The following CTNND2 variants were observed in gnomAD, a reference collection of about 807,000 sequenced individuals.
CTNND2 encodes catenin delta 2.
CTNND2 carries 22 observed loss-of-function variants against 144.4 expected under a neutral mutation model. The observed-to-expected ratio is 0.15, with a 90% CI of 0.11 to 0.22. The LOEUF (loss-of-function observed/expected upper bound fraction) is 0.22, where lower values mean the gene tolerates loss of function less well. Ranked by LOEUF, CTNND2 falls within the 10% of genes least tolerant of loss-of-function variation. The pLI is 1.00. For missense variants in CTNND2, 1,353 were observed against 1,618.8 expected (o/e 0.84, Z 2.82); for synonymous variants, 751 against 695.6 (o/e 1.08, Z -1.25).
At chr5:11,557,227 G>C (rs1776302882) in intron 3 of CTNND2, among the ~76,000 whole-genome samples, 1 of 152,090 alleles carries the variant, frequency 6.6e-6, no homozygotes, top group Admixed American at 6.6e-5. Context: ...AACGTTCACT[G>C]TTTCAGCTAA....
Position 11,236,758 on chromosome 5 carries a change from G to A in CTNND2, c.1694C>T (p.Ser565Leu), listed in dbSNP as rs866275576. 2.5e-6 allele frequency: 4 copies of A among 1,614,132 alleles called. No individual in the cohort carries two copies. The highest frequency in any genetic ancestry group is 3.4e-6 in the Non-Finnish European group (4 of 1,180,010). Reference sequence around the variant, plus strand: ...GTAGGCTGCCGCGTTAGACTGGACCGAGGGAAACTGGTGCTGCAACATCTG... The same window carrying A: ...GTAGGCTGCCGCGTTAGACTGGACCAAGGGAAACTGGTGCTGCAACATCTG... ...VIQMLQHQFPSVQSNAAAYLQ... is the reference protein window; with the variant it reads ...VIQMLQHQFPLVQSNAAAYLQ... Residue 565 changes from serine (S) to leucine (L), a missense_variant, in exon 10 of 22, where the codon TCG becomes TTG. Coordinates refer to ENST00000304623, the MANE Select transcript of CTNND2 (RefSeq NM_001332.4).
intron 3 of CTNND2, among the ~76,000 whole-genome samples, chr5:11,554,283 T>C (rs1329266119): frequency 6.6e-6 from 1 of 152,102 alleles, no homozygotes; most frequent in Non-Finnish European, 1.5e-5. Context: ...CTGCAGTGTA[T>C]GGAAAGGAAA....
chr5:11,566,306 C>T (rs902777405), intron 2 of CTNND2, among the ~76,000 whole-genome samples: 1 of 152,158 alleles, frequency 6.6e-6, no homozygotes, highest in Non-Finnish European at 1.5e-5. Context: ...AACTTTTATT[C>T]TTACATATTC....
chr5:11,693,025 C>A (rs1342099685), intron 2 of CTNND2, among the ~76,000 whole-genome samples: 1 of 152,224 alleles, frequency 6.6e-6, no homozygotes, highest in African/African-American at 2.4e-5. Flanking sequence ...TAAAACACAT[C>A]TGGGTTGTCA....
At chr5:11,845,129 T>C (rs925603621) in intron 1 of CTNND2, among the ~76,000 whole-genome samples, 2 of 152,176 alleles carry the variant, frequency 1.3e-5, no homozygotes, top group Non-Finnish European at 2.9e-5. Flanking sequence ...GTTTCTACCA[T>C]CTACTTTTAG....
At chr5:11,278,078 C>A (rs1746736079) in intron 9 of CTNND2, among the ~76,000 whole-genome samples, 1 of 152,168 alleles carries the variant, frequency 6.6e-6, no homozygotes, top group Non-Finnish European at 1.5e-5. Context: ...ATCCCAATAT[C>A]CCTCCAACTA....
chr5:11,058,072 T>C (rs915934402), intron 16 of CTNND2, among the ~76,000 whole-genome samples: 1 of 152,192 alleles, frequency 6.6e-6, no homozygotes, highest in African/African-American at 2.4e-5. Context: ...AAGCAGAGCA[T>C]AAAAGTTTGG....
At chr5:11,036,637 C>G (rs1320017810) in intron 16 of CTNND2, among the ~76,000 whole-genome samples, 1 of 152,128 alleles carries the variant, frequency 6.6e-6, no homozygotes, top group Non-Finnish European at 1.5e-5. Context: ...TGGCCACACA[C>G]CTCGGCCTCC....
At chr5:11,322,301 C>A (rs904041558) in intron 9 of CTNND2, among the ~76,000 whole-genome samples, 2 of 152,122 alleles carry the variant, frequency 1.3e-5, no homozygotes, top group Non-Finnish European at 2.9e-5. Context: ...TGTCATTTTC[C>A]CGCAGAGGTC....
At chr5:11,416,673 A>T (rs573609462) in intron 3 of CTNND2, among the ~76,000 whole-genome samples, 1 of 152,328 alleles carries the variant, frequency 6.6e-6, no homozygotes, top group South Asian at 2.1e-4. Flanking sequence ...CACTCATATC[A>T]GGTGTCTAGG....
intron 3 of CTNND2, among the ~76,000 whole-genome samples, chr5:11,481,926 T>C (rs532431312): frequency 6.6e-6 from 1 of 152,290 alleles, no homozygotes; most frequent in South Asian, 2.1e-4. Flanking sequence ...TGAGAAGTTT[T>C]TAATTACGCC....
intron 2 of CTNND2, among the ~76,000 whole-genome samples, chr5:11,642,848 C>A (rs1782138962): frequency 6.6e-6 from 1 of 152,182 alleles, no homozygotes; most frequent in Non-Finnish European, 1.5e-5. Flanking sequence ...TAAATAATTG[C>A]CGTGGTTACT....
intron 1 of CTNND2, among the ~76,000 whole-genome samples, chr5:11,868,220 C>A (rs1244007610): frequency 1.3e-5 from 2 of 152,064 alleles, no homozygotes; most frequent in African/African-American, 2.4e-5. Context: ...CCAACTAAGA[C>A]CTGCGGCTGG....
intron 9 of CTNND2, among the ~76,000 whole-genome samples, chr5:11,320,758 G>A (rs536018094): frequency 9.2e-4 from 140 of 152,188 alleles, no homozygotes; most frequent in South Asian, 3.9e-3. Context: ...ATCTCCCACC[G>A]GATCCCTCCC....
chr5:11,696,512 G>A (rs1785145783), intron 2 of CTNND2, among the ~76,000 whole-genome samples: 1 of 152,102 alleles, frequency 6.6e-6, no homozygotes, highest in Non-Finnish European at 1.5e-5. Context: ...TCCAGAGGAG[G>A]GCTACCCTAA....
intron 6 of CTNND2, among the ~76,000 whole-genome samples, chr5:11,393,336 C>A (rs1049503769): frequency 3.9e-5 from 6 of 152,208 alleles, no homozygotes; most frequent in African/African-American, 1.4e-4. Flanking sequence ...TTCAATTCTA[C>A]TGGAGAATAT....
In CTNND2 at chr5:11,384,976, C is replaced by T; in HGVS notation, c.866G>A (p.Gly289Asp). ...GCCGCGCGGCGCGGCGTAGGTGGCG[C>T]CCTCGGGGGCCGAGCCGCCGCGCTG... Reference protein sequence around the residue: ...KLQRGGSAPEGATYAAPRGSS... With the variant: ...KLQRGGSAPEDATYAAPRGSS... The change falls in exon 7 of 22, where the codon GGC (glycine) becomes GAC (aspartate). Residue 289 changes from glycine (G) to aspartate (D), a missense_variant. Physicochemically the swap from Gly to Asp is moderately conservative, Grantham distance 94. This residue lies in a region of CTNND2 where 708 missense variants were observed against 706.4 expected (regional missense o/e 1.00). Coordinates refer to ENST00000304623, the MANE Select transcript of CTNND2 (RefSeq NM_001332.4). This position sits in a 1 kb window ranked among gnomAD's most constrained non-coding sequence, Gnocchi z 5.2. The T allele has an allele frequency of 6.5e-7, 1 of 1,535,576 alleles. No individual in the cohort carries two copies. The highest frequency in any genetic ancestry group is 8.7e-7 in the Non-Finnish European group (1 of 1,146,114).
At chr5:11,368,975 C>A (rs541547260) in intron 7 of CTNND2, among the ~76,000 whole-genome samples, 1 of 152,308 alleles carries the variant, frequency 6.6e-6, no homozygotes, top group African/African-American at 2.4e-5. Flanking sequence ...TAAATTATGT[C>A]ACCTCATGCA....
chr5:10,989,188 G>C (rs1298902357), intron 19 of CTNND2, among the ~76,000 whole-genome samples: 2 of 152,242 alleles, frequency 1.3e-5, no homozygotes, highest in Non-Finnish European at 2.9e-5. Flanking sequence ...GGCACTGGGA[G>C]AGGTTGGCAG....
Sources: gnomAD v4.1 joint callset for allele counts (sites outside exome capture counted in the v4.1 genomes callset) on GRCh38, gnomAD v4.1.1 for gene constraint, gnomAD v4.1.1 regional missense constraint, Gnocchi (gnomAD v3.1) non-coding constraint, MANE v1.5 for transcripts, NCBI Gene and HGNC (gene_info 2026-07-23, HGNC 2026-07-21) for gene names.